UNC13C: variants seen among roughly 807,000 people sequenced by gnomAD.
UNC13C encodes the protein unc-13 homolog C, also known as protein unc-13 homolog C.
Under a neutral mutation model 245.4 loss-of-function variants are expected in UNC13C, and 174 were observed. The observed-to-expected ratio is 0.71, with a 90% confidence interval of 0.63 to 0.80. The LOEUF (loss-of-function observed/expected upper bound fraction) is 0.80, where lower values mean the gene tolerates loss of function less well. Among genes scored for constraint, UNC13C ranks in the 30% least tolerant of loss-of-function variants. The pLI, the probability that UNC13C is intolerant of heterozygous loss-of-function variation, is 0.00. For synonymous variants in UNC13C, 992 were observed against 895.1 expected (o/e 1.11, Z -1.93); for missense variants, 2,829 against 2,602.9 (o/e 1.09, Z -1.89).
chr15:53,885,852 AC>A, the UNC13C span, among the ~76,000 whole-genome samples: 1 of 152,186 alleles, frequency 6.6e-6, no homozygotes, highest in African/African-American at 2.4e-5. Flanking sequence ...AATACCAAAA[AC>A]AAAAGGAGTT....
chr15:54,077,376 C>CTTTTTTTTTTTTTTTTTTTTT lies in UNC13C; in HGVS notation c.2983+61510_2983+61511insTTTTTTTTTTTTTTTTTTTTT, dbSNP rs768240170. ...TTTTCCTTTTCTTTTCTTTTCTTTTCTTTTTTTTTTTTTTTTTTTTGAGAC... is the reference window on the plus strand; with the variant it reads ...TTTTCCTTTTCTTTTCTTTTCTTTTCTTTTTTTTTTTTTTTTTTTTTTTTTTTTTTTTTTTTTTTTTGAGAC... On this transcript the variant is annotated intron_variant, in intron 2 of 32. Transcript: ENST00000260323. Among the ~76,000 whole-genome samples, 40 of 62,718 alleles carry CTTTTTTTTTTTTTTTTTTTTT rather than the reference C, an allele frequency of 6.4e-4. 1 individual carries two copies. Among genetic ancestry groups the CTTTTTTTTTTTTTTTTTTTTT allele is most frequent in the African/African-American group, 1.5e-3 (25 of 16,542 alleles). 41.1% of individuals were successfully genotyped at this position (62,718 alleles called of 152,430 possible).
In UNC13C at chr15:54,623,974, T is replaced by C; in HGVS notation, c.6359+20T>C. On this transcript the variant is annotated intron_variant, in intron 32 of 32. Coordinates refer to ENST00000260323, the MANE Select transcript of UNC13C (RefSeq NM_001080534.3). ...TCAGTTGTAAGTCATAAACCCACCT[T>C]ACTTATTCTACCAGGCAATAGTTAC... The C allele has an allele frequency of 6.2e-7, 1 of 1,612,342 alleles. No homozygotes were observed.
At chr15:54,350,098 T>C (rs1429145666) in intron 17 of UNC13C, among the ~76,000 whole-genome samples, 3 of 152,042 alleles carry the variant, frequency 2.0e-5, no homozygotes, top group Non-Finnish European at 4.4e-5. Context: ...TTCACGCCAG[T>C]CTCCTGTCTC....
chr15:54,479,455 T>C (rs1467873445), intron 19 of UNC13C, among the ~76,000 whole-genome samples: 2 of 152,134 alleles, frequency 1.3e-5, no homozygotes, highest in Non-Finnish European at 2.9e-5. Context: ...ATTCAGTCTA[T>C]ATGTATCTTT....
intron 1 of UNC13C, among the ~76,000 whole-genome samples, chr15:54,000,261 C>T (rs535334201): frequency 1.3e-3 from 191 of 152,164 alleles, no homozygotes; most frequent in Non-Finnish European, 2.2e-3. Flanking sequence ...TTTCCACAAG[C>T]CAAACTAAAA....
At chr15:54,280,552 G>C (rs1384605057) in intron 10 of UNC13C, among the ~76,000 whole-genome samples, 1 of 150,408 alleles carries the variant, frequency 6.6e-6, no homozygotes, top group Non-Finnish European at 1.5e-5. Context: ...AATTGATAGA[G>C]GAGAGTTCCA....
At chr15:54,216,812 T>A (rs532017584) in intron 4 of UNC13C, among the ~76,000 whole-genome samples, 1 of 152,076 alleles carries the variant, frequency 6.6e-6, no homozygotes, top group East Asian at 1.9e-4. Flanking sequence ...GAGGGTAATT[T>A]TATATATTTT....
chr15:53,867,309 T>C, the UNC13C span, among the ~76,000 whole-genome samples: 3 of 151,974 alleles, frequency 2.0e-5, no homozygotes, highest in Non-Finnish European at 2.9e-5. Context: ...ATAGTAACAA[T>C]AGGAACAAAA....
At chr15:53,843,454 C>A in the UNC13C span, among the ~76,000 whole-genome samples, 2 of 151,998 alleles carry the variant, frequency 1.3e-5, no homozygotes, top group African/African-American at 4.8e-5. Context: ...AGAGTGAAAT[C>A]TTATCTCAAA....
At chr15:53,961,230 G>GC in the UNC13C span, among the ~76,000 whole-genome samples, 5 of 152,356 alleles carry the variant, frequency 3.3e-5, no homozygotes, top group South Asian at 1.0e-3. Flanking sequence ...CCCAAGGCTT[G>GC]CCCACTGGCA....
At chr15:53,872,621 A>G in the UNC13C span, among the ~76,000 whole-genome samples, 15 of 152,140 alleles carry the variant, frequency 9.9e-5, no homozygotes, top group Admixed American at 9.8e-4. Flanking sequence ...TCCAGTCTCC[A>G]TGCCTCTAGG....
chr15:54,044,244 A>G (rs1346811965), intron 2 of UNC13C, among the ~76,000 whole-genome samples: 4 of 152,240 alleles, frequency 2.6e-5, no homozygotes, highest in Non-Finnish European at 5.9e-5. Flanking sequence ...GTTGTAGCAC[A>G]TAACAGTAAC....
Position 54,439,111 on chromosome 15 carries a change from T to C in UNC13C, c.4933+24044T>C, listed in dbSNP as rs113812090. On this transcript the variant is annotated intron_variant, in intron 19 of 32. Transcript: ENST00000260323. ...GAAGCCAGGCTGCTCAAATTACCTA[T>C]GTTCTGCTGCTGTATAAAATCCATC... Among the ~76,000 whole-genome samples the C allele has an allele frequency of 3.8e-3, 580 of 152,074 alleles. 3 individuals are homozygous for C. The highest frequency in any genetic ancestry group is 0.013 in the African/African-American group (555 of 41,536).
intron 19 of UNC13C, among the ~76,000 whole-genome samples, chr15:54,455,831 C>T (rs1219102134): frequency 6.6e-6 from 1 of 152,098 alleles, no homozygotes; most frequent in African/African-American, 2.4e-5. Context: ...TCTGTTTACT[C>T]TGCTGATTAT....
At chr15:54,451,552 T>C (rs1891178371) in intron 19 of UNC13C, among the ~76,000 whole-genome samples, 2 of 152,106 alleles carry the variant, frequency 1.3e-5, no homozygotes, top group South Asian at 4.1e-4. Flanking sequence ...TAGTCTTTTG[T>C]TGAATAAATG....
intron 19 of UNC13C, among the ~76,000 whole-genome samples, chr15:54,478,963 A>G (rs937152793): frequency 6.6e-6 from 1 of 151,596 alleles, no homozygotes; most frequent in African/African-American, 2.4e-5. Flanking sequence ...TTTGTAGGTC[A>G]TTCAGGACTT....
chr15:54,577,204 C>CTT (rs71105820), intron 30 of UNC13C, among the ~76,000 whole-genome samples: 4 of 151,804 alleles, frequency 2.6e-5, no homozygotes, highest in South Asian at 2.1e-4. Flanking sequence ...AAAAAGACTA[C>CTT]TTTTTTTTGG....
intron 16 of UNC13C, 69 bp downstream of exon 16, chr15:54,333,925 G>GA: frequency 8.8e-7 from 1 of 1,140,096 alleles, no homozygotes; most frequent in Non-Finnish European, 1.3e-6. Context: ...GTAAAGTCTT[G>GA]CTTTACCCTC....
chr15:53,955,156 A>C, the UNC13C span, among the ~76,000 whole-genome samples: 2 of 152,156 alleles, frequency 1.3e-5, no homozygotes, highest in Non-Finnish European at 2.9e-5. Flanking sequence ...TATCTAGATA[A>C]TATCTTCAAT....
Sources: gnomAD v4.1 joint callset for allele counts (sites outside exome capture counted in the v4.1 genomes callset) on GRCh38, gnomAD v4.1.1 for gene constraint, MANE v1.5 for transcripts, NCBI Gene and HGNC (gene_info 2026-07-23, HGNC 2026-07-21) for gene names.